The following NPTN variants were observed in gnomAD, a reference collection of about 807,000 sequenced individuals.
NPTN encodes the protein neuroplastin, also known as SDR-1.
A neutral mutation model predicts 42.7 loss-of-function variants in NPTN; 5 were observed. The ratio of observed to expected loss-of-function variants is 0.12; its 90% CI spans 0.06 to 0.25. The LOEUF is 0.25. Ranked by LOEUF, NPTN falls within the 10% of genes least tolerant of loss-of-function variation. The pLI, the probability that NPTN is intolerant of heterozygous loss-of-function variation, is 1.00. For missense variants in NPTN, 307 were observed against 525.4 expected, an observed-to-expected ratio of 0.58 and a Z score of 4.06; for synonymous variants, 180 against 201.9, an observed-to-expected ratio of 0.89 and a Z score of 0.92.
At chr15:73,618,093 G>T (rs1897950974) in intron 1 of NPTN, among the ~76,000 whole-genome samples, 1 of 152,182 alleles carries the variant, frequency 6.6e-6, no homozygotes, top group Admixed American at 6.5e-5. Flanking sequence ...CTGCAGGGAA[G>T]CAAGTACCAC....
chr15:73,574,588 T>C (rs1031163364), intron 4 of NPTN, among the ~76,000 whole-genome samples: 2 of 152,228 alleles, frequency 1.3e-5, no homozygotes, highest in Non-Finnish European at 2.9e-5. Context: ...AATTTTTAAA[T>C]TTCTTGTATA....
chr15:73,560,146 A>ATAAAATCTATCATCAACC lies in NPTN; in HGVS notation c.*899_*916dup. ...CGCACCGCATGAGAACCGTTAGGTT[A>ATAAAATCTATCATCAACC]TAAAATCTATCATCAACCAGTAAAT... On this transcript the variant is annotated 3_prime_UTR_variant, in exon 9 of 9. Coordinates refer to ENST00000345330, the MANE Select transcript of NPTN (RefSeq NM_012428.4). The ATAAAATCTATCATCAACC allele has an allele frequency of 2.7e-6, 1 of 363,686 alleles. No homozygotes were observed. Among genetic ancestry groups the ATAAAATCTATCATCAACC allele is most frequent in the Non-Finnish European group, 4.9e-6 (1 of 206,088 alleles). 22.5% of individuals were successfully genotyped at this position (363,686 alleles called of 1,614,324 possible).
At chr15:73,565,579 A>G (rs1386652588) in intron 6 of NPTN, among the ~76,000 whole-genome samples, 1 of 151,926 alleles carries the variant, frequency 6.6e-6, no homozygotes, top group Admixed American at 6.6e-5. Context: ...TTGAGGGGGG[A>G]AAAAAAAGAA....
chr15:73,568,326 G>T (rs1165889758), intron 6 of NPTN: 1 of 985,294 alleles, frequency 1.0e-6, no homozygotes, highest in African/African-American at 1.7e-5. Flanking sequence ...TAAAAATCAG[G>T]TTCTGAAGTC....
At chr15:73,594,276 G>C (rs1369209799) in intron 2 of NPTN, among the ~76,000 whole-genome samples, 1 of 152,156 alleles carries the variant, frequency 6.6e-6, no homozygotes, top group Non-Finnish European at 1.5e-5. Flanking sequence ...TAAATACAAG[G>C]AGGCCAAAGT....
At chr15:73,628,129 A>T (rs1420132521) in intron 1 of NPTN, among the ~76,000 whole-genome samples, 3 of 152,224 alleles carry the variant, frequency 2.0e-5, no homozygotes, top group African/African-American at 7.2e-5. Context: ...TGTTTTGTTT[A>T]AAGAGGCATA....
chr15:73,613,510 G>A (rs915770001), intron 1 of NPTN, among the ~76,000 whole-genome samples: 1 of 151,870 alleles, frequency 6.6e-6, no homozygotes, highest in African/African-American at 2.4e-5. Flanking sequence ...ATTTACAAAA[G>A]GTAGTTCTCC....
At chr15:73,616,705 C>A (rs1158212967) in intron 1 of NPTN, among the ~76,000 whole-genome samples, 1 of 152,150 alleles carries the variant, frequency 6.6e-6, no homozygotes, top group African/African-American at 2.4e-5. Flanking sequence ...AGAATTTTCA[C>A]CTCTGCAGTG....
At chr15:73,579,901 A>G (rs554306362) in intron 4 of NPTN, among the ~76,000 whole-genome samples, 60 of 152,292 alleles carry the variant, frequency 3.9e-4, no homozygotes, top group African/African-American at 1.2e-3. Context: ...ACCCCAAGCC[A>G]GAACACCCCA....
chr15:73,605,813 G>A (rs1269091778), intron 1 of NPTN, among the ~76,000 whole-genome samples: 1 of 151,870 alleles, frequency 6.6e-6, no homozygotes, highest in African/African-American at 2.4e-5. Flanking sequence ...CCTTTTGTAC[G>A]TCTGTCTTCC....
intron 4 of NPTN, among the ~76,000 whole-genome samples, chr15:73,579,170 T>C (rs1194155011): frequency 6.6e-6 from 1 of 150,972 alleles, no homozygotes; most frequent in Non-Finnish European, 1.5e-5. Flanking sequence ...TCCCAGCTAC[T>C]CGGGAGGCTG....
intron 1 of NPTN, among the ~76,000 whole-genome samples, chr15:73,612,332 A>C (rs1897623002): frequency 6.6e-6 from 1 of 151,820 alleles, no homozygotes; most frequent in Non-Finnish European, 1.5e-5. Flanking sequence ...AGGTGGAGGA[A>C]CACCTGGACC....
intron 2 of NPTN, among the ~76,000 whole-genome samples, chr15:73,596,060 G>A (rs775136957): frequency 1.3e-5 from 2 of 152,200 alleles, no homozygotes; most frequent in African/African-American, 2.4e-5. Context: ...CATGCTCTGG[G>A]ATAAGGTACA....
intron 6 of NPTN, among the ~76,000 whole-genome samples, chr15:73,563,912 G>C (rs1158397454): frequency 1.3e-5 from 2 of 152,210 alleles, no homozygotes; most frequent in Admixed American, 6.5e-5. Context: ...GAGGAAAGCT[G>C]AACAGTGGTG....
intron 1 of NPTN, among the ~76,000 whole-genome samples, chr15:73,631,301 T>C (rs1898728188): frequency 6.6e-6 from 1 of 152,160 alleles, no homozygotes; most frequent in Admixed American, 6.5e-5. Flanking sequence ...GTCGAAAAAC[T>C]GATAAGACAA....
At chr15:73,575,802 C>T (rs1335814436) in intron 4 of NPTN, among the ~76,000 whole-genome samples, 2 of 152,254 alleles carry the variant, frequency 1.3e-5, no homozygotes, top group Non-Finnish European at 2.9e-5. Context: ...TCCAGAGGCA[C>T]CTGGATGGGC....
intron 6 of NPTN, among the ~76,000 whole-genome samples, chr15:73,564,059 T>A (rs1367784205): frequency 1.3e-5 from 2 of 152,244 alleles, no homozygotes; most frequent in Non-Finnish European, 2.9e-5. Context: ...TAAGCCTTCT[T>A]AAATTGATAC....
At chr15:73,574,910 C>G (rs1313930055) in intron 4 of NPTN, among the ~76,000 whole-genome samples, 1 of 152,174 alleles carries the variant, frequency 6.6e-6, no homozygotes, top group Non-Finnish European at 1.5e-5. Context: ...ATCAAAGAAG[C>G]CTGAGATAAA....
intron 3 of NPTN, chr15:73,591,722 C>A: frequency 3.0e-6 from 1 of 329,028 alleles, no homozygotes. Context: ...ACTTCACAGC[C>A]TCAGTTTCTC....
Sources: gnomAD v4.1 joint callset for allele counts (sites outside exome capture counted in the v4.1 genomes callset) on GRCh38, gnomAD v4.1.1 for gene constraint, MANE v1.5 for transcripts, NCBI Gene and HGNC (gene_info 2026-07-23, HGNC 2026-07-21) for gene names.